MYOM1: variants seen among roughly 807,000 people sequenced by gnomAD.
MYOM1 encodes myomesin-1.
MYOM1 carries 164 observed loss-of-function variants against 205.3 expected under a neutral mutation model. The observed-to-expected ratio is 0.80, with a 90% confidence interval of 0.70 to 0.91. The LOEUF (loss-of-function observed/expected upper bound fraction) is 0.91. Ranked by LOEUF, MYOM1 falls within the 40% of genes least tolerant of loss-of-function variation. The pLI is 0.00. For missense variants in MYOM1, 2,011 were observed against 2,127.3 expected, an observed-to-expected ratio of 0.95 and a Z score of 1.08; for synonymous variants, 772 against 789.4, an observed-to-expected ratio of 0.98 and a Z score of 0.37.
At chr18:3,158,798 G>C (rs2080339236) in intron 10 of MYOM1, among the ~76,000 whole-genome samples, 1 of 151,932 alleles carries the variant, frequency 6.6e-6, no homozygotes, top group East Asian at 1.9e-4. Context: ...ATTTTTTGTA[G>C]AGACAGGGTC....
the MYOM1 span, among the ~76,000 whole-genome samples, chr18:3,226,740 C>T: frequency 6.6e-6 from 1 of 152,100 alleles, no homozygotes; most frequent in Non-Finnish European, 1.5e-5. The surrounding 1 kb of genome is among the most constrained non-coding windows in gnomAD (Gnocchi z 4.6). Context: ...CTAGGTGCTC[C>T]CAGTACCCAG....
chr18:3,173,794 T>G, intron 8 of MYOM1, 144 bp downstream of exon 8: 1 of 654,312 alleles, frequency 1.5e-6, no homozygotes, highest in East Asian at 3.0e-5. Flanking sequence ...AATAAGTAAA[T>G]AAAATAACCA....
At chr18:3,136,637 T>G (rs1228125840) in intron 14 of MYOM1, among the ~76,000 whole-genome samples, 1 of 151,914 alleles carries the variant, frequency 6.6e-6, no homozygotes, top group Non-Finnish European at 1.5e-5. Flanking sequence ...CCATGTTGCC[T>G]AGGCTGGTCT....
chr18:3,174,312 G>A, intron 6 of MYOM1, 104 bp from the exon 7 acceptor site: 1 of 931,212 alleles, frequency 1.1e-6, no homozygotes, highest in Non-Finnish European at 1.7e-6. Flanking sequence ...CTGCAAATCA[G>A]TGGCTAACAC....
intron 10 of MYOM1, among the ~76,000 whole-genome samples, chr18:3,160,218 C>T (rs927832821): frequency 6.0e-5 from 9 of 150,426 alleles, no homozygotes; most frequent in Non-Finnish European, 8.8e-5. Flanking sequence ...GACAGGGTCT[C>T]GTTCTGTCAC....
At chr18:3,182,577 C>T (rs2080751057) in intron 5 of MYOM1, among the ~76,000 whole-genome samples, 1 of 152,168 alleles carries the variant, frequency 6.6e-6, no homozygotes, top group South Asian at 2.1e-4. Flanking sequence ...TAAGGGTGCA[C>T]AGTGAACCCT....
Position 3,157,740 on chromosome 18 carries a change from A to C in MYOM1, c.1502-2652T>G, listed in dbSNP as rs149770807. On this transcript the variant is annotated intron_variant, in intron 10 of 37. Coordinates refer to ENST00000356443, the MANE Select transcript of MYOM1 (RefSeq NM_003803.4). ...ATAATAATAATCCTTCTTTTTCTCA[A>C]GAAGCTACGATATAGTGTGAGAAAC... 2.7e-3 allele frequency among the ~76,000 whole-genome samples: 406 copies of C among 149,844 alleles called. 1 individual carries two copies. The highest frequency in any genetic ancestry group is 9.4e-3 in the African/African-American group (384 of 41,044).
chr18:3,127,157 T>C (rs746177883), intron 18 of MYOM1, among the ~76,000 whole-genome samples: 100 of 151,714 alleles, frequency 6.6e-4, no homozygotes, highest in Non-Finnish European at 9.0e-4. Flanking sequence ...CTTTTCCCCA[T>C]AAGAAGAAAT....
intron 19 of MYOM1, among the ~76,000 whole-genome samples, chr18:3,123,180 A>G (rs892382824): frequency 6.6e-6 from 1 of 152,218 alleles, no homozygotes; most frequent in East Asian, 1.9e-4. Context: ...AAGTAAGGTA[A>G]GAAAATGAAG....
intron 20 of MYOM1, among the ~76,000 whole-genome samples, chr18:3,117,942 T>C (rs1056974955): frequency 2.0e-5 from 3 of 152,186 alleles, no homozygotes; most frequent in Admixed American, 6.5e-5. Flanking sequence ...GCAAAGGGCT[T>C]TTATAACCAT....
rs983210449 is a variant in MYOM1 at position 3,085,978 on chromosome 18, T to C, written c.4251+60A>G. 8.6e-6 allele frequency: 9 copies of C among 1,044,590 alleles called. No homozygotes were observed. The African/African-American group carries it at 1.2e-4, about 15-fold the overall frequency. 64.7% of individuals were successfully genotyped at this position (1,044,590 alleles called of 1,614,324 possible). On this transcript the variant is annotated intron_variant, in intron 30 of 37. Transcript: ENST00000356443. ...AGGAATACAGAATCTAGTTACTGTT[T>C]TGGGGTAAGATAGAGGGTAGAGAGC... is the stretch of plus-strand genomic sequence containing the variant.
the MYOM1 span, among the ~76,000 whole-genome samples, chr18:3,224,978 A>ATTATTTTATTTTATT: frequency 7.8e-6 from 1 of 127,516 alleles, no homozygotes; most frequent in African/African-American, 2.9e-5. Flanking sequence ...TATTAGTATT[A>ATTATTTTATTTTATT]TTATTTTATT....
At chr18:3,148,458 A>T (rs1376211470) in intron 13 of MYOM1, among the ~76,000 whole-genome samples, 1 of 152,200 alleles carries the variant, frequency 6.6e-6, no homozygotes, top group African/African-American at 2.4e-5. Flanking sequence ...GGCAGAAAGC[A>T]GATCAGTGAT....
chr18:3,068,922 TTTTC>T lies in MYOM1; in HGVS notation c.4765-1371_4765-1368del, dbSNP rs1176543350. On this transcript the variant is annotated intron_variant, in intron 37 of 37. Transcript: ENST00000356443. ...ATGTATGATAAATGCATGTTTCATTTTTTCTTTATTTTTTTTAATTAAAAAAATA... is the reference window on the plus strand; with the variant it reads ...ATGTATGATAAATGCATGTTTCATTTTTTATTTTTTTTAATTAAAAAAATA... Among the ~76,000 whole-genome samples, 6 of 152,234 alleles carry T rather than the reference TTTTC, an allele frequency of 3.9e-5. 1 individual carries two copies. The highest frequency in any genetic ancestry group is 1.9e-4 in the East Asian group (1 of 5,190).
At chr18:3,202,721 A>G (rs1014975187) in intron 2 of MYOM1, among the ~76,000 whole-genome samples, 7 of 152,194 alleles carry the variant, frequency 4.6e-5, no homozygotes, top group African/African-American at 1.7e-4. Context: ...GGAGACTTCA[A>G]TATTCCACTC....
chr18:3,176,861 G>A (rs111304019), intron 5 of MYOM1, among the ~76,000 whole-genome samples: 100 of 148,796 alleles, frequency 6.7e-4, no homozygotes, highest in Non-Finnish European at 7.0e-4. Flanking sequence ...CAGCCTGGGC[G>A]ACGGAGTGAG....
chr18:3,196,770 C>T (rs1395437442), intron 2 of MYOM1, among the ~76,000 whole-genome samples: 1 of 152,090 alleles, frequency 6.6e-6, no homozygotes, highest in Non-Finnish European at 1.5e-5. Flanking sequence ...ACTGGTAGCA[C>T]CACAGGGAAG....
At position 3,149,170 on chromosome 18, in the gene MYOM1, G is replaced by T; in HGVS notation, c.1875C>A (p.Ile625=). The change falls in exon 13 of 38, where the codon ATC becomes ATA. Residue 625 remains isoleucine (I), a synonymous_variant. Coordinates refer to ENST00000356443, the MANE Select transcript of MYOM1 (RefSeq NM_003803.4). ...SRPSAPWTGQ[I]IVTEEEPSEG... The stretch of plus-strand genomic sequence containing the variant: ...CTGAAGGTTCCTCTTCAGTAACAAT[G>T]ATCTGTCCAGTCCAGGGTGCTGAGG... The T allele has an allele frequency of 6.2e-7, 1 of 1,613,882 alleles. No homozygotes were observed. The highest frequency in any genetic ancestry group is 1.3e-5 in the African/African-American group (1 of 75,040).
intron 13 of MYOM1, among the ~76,000 whole-genome samples, chr18:3,148,884 T>C (rs1181573270): frequency 2.1e-5 from 3 of 145,674 alleles, no homozygotes; most frequent in Non-Finnish European, 4.5e-5. Context: ...AAAATGGTGA[T>C]GGTTTCATGG....
Sources: gnomAD v4.1 joint callset for allele counts (sites outside exome capture counted in the v4.1 genomes callset) on GRCh38, gnomAD v4.1.1 for gene constraint, Gnocchi (gnomAD v3.1) non-coding constraint, MANE v1.5 for transcripts, NCBI Gene and HGNC (gene_info 2026-07-23, HGNC 2026-07-21) for gene names.